The following CCDC169 variants were observed in gnomAD, a reference collection of about 807,000 sequenced individuals.
The protein encoded by CCDC169 is coiled-coil domain-containing protein 169.
A neutral mutation model predicts 36.0 loss-of-function variants in CCDC169; 30 were observed. The ratio of observed to expected loss-of-function variants is 0.83; its 90% CI spans 0.62 to 1.13. CCDC169 has a LOEUF of 1.13. Among genes scored for constraint, CCDC169 ranks in the 50% most tolerant of loss-of-function variants. CCDC169 has a pLI of 0.00. For synonymous variants in CCDC169, 85 were observed against 81.5 expected, an observed-to-expected ratio of 1.04 and a Z score of -0.23; for missense variants, 245 against 245.9, an observed-to-expected ratio of 1.00 and a Z score of 0.03.
At chr13:36,259,051 G>C (rs532560378) in intron 4 of CCDC169, among the ~76,000 whole-genome samples, 1 of 152,252 alleles carries the variant, frequency 6.6e-6, no homozygotes, top group East Asian at 1.9e-4. Context: ...GTGTTCCTGT[G>C]CTGGGGCCCT....
chr13:36,273,333 T>C (rs1876350634), intron 4 of CCDC169, among the ~76,000 whole-genome samples: 1 of 152,236 alleles, frequency 6.6e-6, no homozygotes, highest in South Asian at 2.1e-4. Flanking sequence ...TTTCCAATTT[T>C]ACATTTGTTA....
chr13:36,288,264 G>A (rs1017353521), intron 2 of CCDC169, among the ~76,000 whole-genome samples: 6 of 151,964 alleles, frequency 3.9e-5, no homozygotes, highest in African/African-American at 9.7e-5. Flanking sequence ...TCCGCCCGCC[G>A]CAGCCTCCCA....
intron 4 of CCDC169, among the ~76,000 whole-genome samples, chr13:36,261,309 C>T (rs566231662): frequency 6.6e-4 from 100 of 152,226 alleles, no homozygotes; most frequent in African/African-American, 2.3e-3. Flanking sequence ...TGCTCAATGT[C>T]TAGCCTGCCA....
rs367717219 is a variant in CCDC169 at position 36,272,599 on chromosome 13, AG to A, written c.315+10869del. ...CCAATCAACACACTAACTTTTCTAAAGGGCATTTCAGGTTTTTTGCTGAAGA... is the reference window on the plus strand; with the variant it reads ...CCAATCAACACACTAACTTTTCTAAAGGCATTTCAGGTTTTTTGCTGAAGA... On this transcript the variant is annotated intron_variant, in intron 4 of 7. Transcript: ENST00000239859. 2.5e-3 allele frequency among the ~76,000 whole-genome samples: 387 copies of A among 152,128 alleles called. 1 individual carries two copies. Among genetic ancestry groups the A allele is most frequent in the African/African-American group, 8.8e-3 (364 of 41,502 alleles).
intron 7 of CCDC169, among the ~76,000 whole-genome samples, chr13:36,242,933 AC>A (rs1441961131): frequency 6.6e-6 from 1 of 152,206 alleles, no homozygotes; most frequent in Non-Finnish European, 1.5e-5. Context: ...CAGGTGATCT[AC>A]TTGGTTGTCC....
At chr13:36,260,007 C>T (rs1010053622) in intron 4 of CCDC169, among the ~76,000 whole-genome samples, 5 of 152,216 alleles carry the variant, frequency 3.3e-5, no homozygotes, top group African/African-American at 1.2e-4. Context: ...CTTGGCCTGC[C>T]CCAGCTCAGT....
At chr13:36,224,472 A>G (rs1423414169), downstream of CCDC169, 1 of 152,192 alleles carries the variant, frequency 6.6e-6, no homozygotes, top group African/African-American at 2.4e-5. Flanking sequence ...AATCAATAAC[A>G]TTTCTATACA....
intron 6 of CCDC169, 76 bp downstream of exon 6, chr13:36,253,727 A>C: frequency 6.7e-7 from 1 of 1,496,336 alleles, no homozygotes; most frequent in Non-Finnish European, 8.9e-7. Context: ...CAAACCAAAA[A>C]CAAAACCTAG....
intron 4 of CCDC169, among the ~76,000 whole-genome samples, chr13:36,255,884 C>A (rs748984): frequency 0.41 from 61,614 of 151,988 alleles, 13,268 homozygotes; most frequent in Non-Finnish European, 0.48. Context: ...TCCCCAATCC[C>A]CATTCACTGC....
chr13:36,283,580 T>C lies in CCDC169; in HGVS notation c.274+12A>G, dbSNP rs377181574. On this transcript the variant is annotated intron_variant, in intron 3 of 7. Coordinates refer to ENST00000239859, the MANE Select transcript of CCDC169 (RefSeq NM_001144981.3). ...CTCAAATTATAAAATGTACATATGATTGGTTTTGTACCTGAAGAGTTTCCA... is the reference window on the plus strand; with the variant it reads ...CTCAAATTATAAAATGTACATATGACTGGTTTTGTACCTGAAGAGTTTCCA... 4 of 1,551,252 alleles carry C rather than the reference T, an allele frequency of 2.6e-6. No homozygotes were observed. Among genetic ancestry groups the C allele is most frequent in the Non-Finnish European group, 3.5e-6 (4 of 1,146,766 alleles).
chr13:36,253,992 T>C, intron 5 of CCDC169, 53 bp downstream of exon 5: 1 of 1,529,798 alleles, frequency 6.5e-7, no homozygotes, highest in East Asian at 2.5e-5. Flanking sequence ...GTAGATAACA[T>C]TAGAAATAAT....
intron 4 of CCDC169, among the ~76,000 whole-genome samples, chr13:36,281,949 C>T (rs1180700948): frequency 6.6e-6 from 1 of 151,956 alleles, no homozygotes; most frequent in East Asian, 1.9e-4. Flanking sequence ...AAAATGAAGT[C>T]CACTTTAATG....
At chr13:36,246,998 T>C (rs892211749) in intron 7 of CCDC169, among the ~76,000 whole-genome samples, 16 of 152,208 alleles carry the variant, frequency 1.1e-4, no homozygotes, top group African/African-American at 3.6e-4. Context: ...ACTTGTCTAA[T>C]GCAGCCAGTG....
At chr13:36,276,491 T>C (rs1594069615) in intron 4 of CCDC169, among the ~76,000 whole-genome samples, 1 of 152,166 alleles carries the variant, frequency 6.6e-6, no homozygotes, top group Non-Finnish European at 1.5e-5. Context: ...CTAAATAATG[T>C]TTCTCTGTTT....
chr13:36,297,569 T>G, intron 1 of CCDC169, 68 bp downstream of exon 1: 34 of 1,469,472 alleles, frequency 2.3e-5, no homozygotes, highest in Non-Finnish European at 2.9e-5. Context: ...GCTTCAGCCC[T>G]GAGACTCTGC....
intron 7 of CCDC169, among the ~76,000 whole-genome samples, chr13:36,234,307 C>T (rs1576228): frequency 0.41 from 61,553 of 151,800 alleles, 13,252 homozygotes; most frequent in Non-Finnish European, 0.48. Context: ...GAGCCTATGG[C>T]GGCCCCCACT....
intron 2 of CCDC169, among the ~76,000 whole-genome samples, chr13:36,290,476 T>TA (rs1348651847): frequency 3.3e-5 from 5 of 152,296 alleles, no homozygotes; most frequent in African/African-American, 9.6e-5. Flanking sequence ...CATTTTTTTT[T>TA]ACCTCCAGAA....
At position 36,297,811 on chromosome 13, in the gene CCDC169, C is replaced by G; in HGVS notation, c.-92G>C. 6 of 1,238,542 alleles carry G rather than the reference C, an allele frequency of 4.8e-6. No homozygotes were observed. Among genetic ancestry groups the G allele is most frequent in the Non-Finnish European group, 6.9e-6 (6 of 875,076 alleles). 76.7% of individuals were successfully genotyped at this position (1,238,542 alleles called of 1,614,324 possible). The stretch of plus-strand genomic sequence containing the variant: ...ACCCAGAAGCCAGTACGGCACGAGG[C>G]GGTGAACCCCAACCGCCCCCCGGTC... On this transcript the variant is annotated 5_prime_UTR_variant, in exon 1 of 8. Coordinates refer to ENST00000239859, the MANE Select transcript of CCDC169 (RefSeq NM_001144981.3).
intron 4 of CCDC169, among the ~76,000 whole-genome samples, chr13:36,276,853 T>A (rs560763639): frequency 2.6e-5 from 4 of 152,272 alleles, no homozygotes; most frequent in Admixed American, 6.5e-5. Context: ...ATCCCCTATA[T>A]CTGTTGATCT....
Sources: gnomAD v4.1 joint callset for allele counts (sites outside exome capture counted in the v4.1 genomes callset) on GRCh38, gnomAD v4.1.1 for gene constraint, MANE v1.5 for transcripts, NCBI Gene and HGNC (gene_info 2026-07-23, HGNC 2026-07-21) for gene names.